Variants in ERBIN observed in about 807,000 individuals in gnomAD.
ERBIN encodes the protein erbb2 interacting protein, also known as densin-180-like protein.
A neutral mutation model predicts 158.4 loss-of-function variants in ERBIN; 60 were observed. The observed-to-expected ratio is 0.38, with a 90% CI of 0.31 to 0.47. The LOEUF (loss-of-function observed/expected upper bound fraction) is 0.47. Among genes scored for constraint, ERBIN ranks in the 20% least tolerant of loss-of-function variants. The pLI is 0.99. For synonymous variants in ERBIN, 594 were observed against 557.2 expected, an observed-to-expected ratio of 1.07 and a Z score of -0.93; for missense variants, 1,610 against 1,648.0, an observed-to-expected ratio of 0.98 and a Z score of 0.40.
At chr5:65,944,193 C>A (rs904622837) in intron 1 of ERBIN, among the ~76,000 whole-genome samples, 1 of 137,840 alleles carries the variant, frequency 7.3e-6, no homozygotes, top group Non-Finnish European at 1.5e-5. Flanking sequence ...TATGGTAATT[C>A]TGTGTTTAGT....
chr5:66,018,114 T>G (rs1754991307), intron 7 of ERBIN, among the ~76,000 whole-genome samples: 1 of 151,954 alleles, frequency 6.6e-6, no homozygotes, highest in South Asian at 2.1e-4. Flanking sequence ...GTGTGATGCC[T>G]TCAACTTTGT....
In ERBIN at chr5:66,078,464, A is replaced by C. The variant is rs1377819854; in HGVS notation, c.4173A>C (p.Ala1391=). 8 of 1,596,342 alleles carry C rather than the reference A, an allele frequency of 5.0e-6. No individual in the cohort carries two copies. Among genetic ancestry groups the C allele is most frequent in the Non-Finnish European group, 6.0e-6 (7 of 1,175,090 alleles). Residue 1391 remains alanine (A), a synonymous_variant, in exon 26 of 26, where the codon GCA becomes GCC. Transcript: ENST00000284037. ...TTATAAATATTGAACATGGACAAGCAGTGTCCTTGCTAAAAACTTTCCAGA... is the reference window on the plus strand; with the variant it reads ...TTATAAATATTGAACATGGACAAGCCGTGTCCTTGCTAAAAACTTTCCAGA... ...YSFINIEHGQ[A]VSLLKTFQNT...
chr5:65,976,338 G>A (rs906268954), intron 1 of ERBIN, among the ~76,000 whole-genome samples: 69 of 151,990 alleles, frequency 4.5e-4, no homozygotes, highest in Admixed American at 2.0e-4. Context: ...ACTATATGTA[G>A]TGGCATACAC....
chr5:65,976,412 G>T (rs950122847), intron 1 of ERBIN, among the ~76,000 whole-genome samples: 2 of 152,122 alleles, frequency 1.3e-5, no homozygotes, highest in African/African-American at 4.8e-5. Context: ...GGCAGAGGTT[G>T]CAGTGAGCTG....
rs541245015 is a variant in ERBIN, at chr5:66,063,717, G to A, written c.3634-8452G>A. On this transcript the variant is annotated intron_variant, in intron 21 of 25. Coordinates refer to ENST00000284037, the MANE Select transcript of ERBIN (RefSeq NM_001253697.2). ...CTCGATTAAGACATTTTTAAAAAGTGAAGATAGTCTCTGTATGTTTAGCTT... is the reference window on the plus strand; with the variant it reads ...CTCGATTAAGACATTTTTAAAAAGTAAAGATAGTCTCTGTATGTTTAGCTT... 2.6e-5 allele frequency among the ~76,000 whole-genome samples: 4 copies of A among 152,246 alleles called. No homozygotes were observed. In the East Asian group the frequency reaches 7.7e-4, roughly 29 times the overall value.
intron 5 of ERBIN, among the ~76,000 whole-genome samples, chr5:66,012,382 A>T (rs956379022): frequency 1.3e-5 from 2 of 152,206 alleles, no homozygotes; most frequent in Non-Finnish European, 2.9e-5. Context: ...CAGAAATGAG[A>T]GTAGAATCCA....
chr5:65,956,679 G>A (rs777869434), intron 1 of ERBIN, among the ~76,000 whole-genome samples: 1 of 149,588 alleles, frequency 6.7e-6, no homozygotes, highest in African/African-American at 2.5e-5. Flanking sequence ...TGCTCCTGGC[G>A]GGAAAAAATT....
intron 1 of ERBIN, among the ~76,000 whole-genome samples, chr5:65,978,986 G>A (rs181507160): frequency 6.6e-6 from 1 of 152,324 alleles, no homozygotes; most frequent in Non-Finnish European, 1.5e-5. Flanking sequence ...TCGGTGATGG[G>A]GAGGTTGGGA....
intron 1 of ERBIN, among the ~76,000 whole-genome samples, chr5:65,941,925 A>T (rs1745102046): frequency 6.6e-6 from 1 of 152,140 alleles, no homozygotes; most frequent in Admixed American, 6.6e-5. Context: ...TATTTTTAGT[A>T]GAGATGGGGT....
intron 12 of ERBIN, 93 bp from the exon 13 acceptor site, chr5:66,026,209 G>T: frequency 1.2e-6 from 1 of 810,468 alleles, no homozygotes; most frequent in East Asian, 2.9e-5. Flanking sequence ...TAAATGTGAA[G>T]TATTTTTCAT....
At chr5:65,943,538 T>C (rs1745333183) in intron 1 of ERBIN, among the ~76,000 whole-genome samples, 1 of 152,232 alleles carries the variant, frequency 6.6e-6, no homozygotes, top group African/African-American at 2.4e-5. Flanking sequence ...ATCATTACTT[T>C]TTTTAAGTCA....
intron 1 of ERBIN, among the ~76,000 whole-genome samples, chr5:65,937,860 G>C (rs994561454): frequency 2.6e-5 from 4 of 152,170 alleles, no homozygotes; most frequent in Non-Finnish European, 4.4e-5. Flanking sequence ...AGTGAGCCGA[G>C]ATCGTGCCAC....
intron 6 of ERBIN, 117 bp from the exon 7 acceptor site, chr5:66,014,548 ATTAC>A (rs1160972850): frequency 2.2e-5 from 11 of 508,882 alleles, no homozygotes; most frequent in East Asian, 3.6e-5. Flanking sequence ...TTTTTAATAT[ATTAC>A]TTTGCAATTA....
At chr5:66,012,684 C>G (rs1003267776) in intron 5 of ERBIN, among the ~76,000 whole-genome samples, 2 of 152,120 alleles carry the variant, frequency 1.3e-5, no homozygotes, top group African/African-American at 2.4e-5. Context: ...AATGGTGAAG[C>G]AAAAGATGAC....
chr5:66,050,808 A>G lies in ERBIN; in HGVS notation c.1929A>G (p.Leu643=), dbSNP rs1422151633. The G allele has an allele frequency of 1.3e-6, 2 of 1,563,684 alleles. No homozygotes were observed. The highest frequency in any genetic ancestry group is 2.3e-5 in the East Asian group (1 of 43,458). The change falls in exon 20 of 26, where the codon TTA becomes TTG. Residue 643 remains leucine, a synonymous_variant. Transcript: ENST00000284037. ...ATGATACAAAGGAAACAGATTCTTT[A>G]TCAGATGAAGTTACACACAATAGCA... ...KKDDTKETDS[L]SDEVTHNSNQ... is the part of the protein sequence containing the mutation.
rs991390132 is a variant in ERBIN, at chr5:66,048,571, A to G, written c.1789-96A>G. On this transcript the variant is annotated intron_variant, in intron 18 of 25. Coordinates refer to ENST00000284037, the MANE Select transcript of ERBIN (RefSeq NM_001253697.2). The stretch of plus-strand genomic sequence containing the variant: ...TTGAAAAGGTTTAATATGTGTTTAT[A>G]ATATTTGTTTTCCCTTTAAAGTCTT... 4.2e-6 allele frequency: 3 copies of G among 707,666 alleles called. No homozygotes were observed. The African/African-American group carries it at 5.5e-5, about 13-fold the overall frequency. 43.8% of individuals were successfully genotyped at this position (707,666 alleles called of 1,614,324 possible).
intron 10 of ERBIN, 51 bp from the exon 11 acceptor site, chr5:66,025,429 C>T: frequency 7.3e-7 from 1 of 1,368,364 alleles, no homozygotes; most frequent in Non-Finnish European, 1.0e-6. Flanking sequence ...TGTTGGTGGA[C>T]TTGCTTCTAT....
intron 17 of ERBIN, among the ~76,000 whole-genome samples, chr5:66,045,567 TAATA>T (rs1195001105): frequency 1.3e-5 from 2 of 152,136 alleles, no homozygotes; most frequent in East Asian, 3.9e-4. Flanking sequence ...AAAAATCACC[TAATA>T]AATTTCTCTG....
At chr5:66,058,967 C>T (rs1479544186) in intron 21 of ERBIN, among the ~76,000 whole-genome samples, 8 of 152,098 alleles carry the variant, frequency 5.3e-5, no homozygotes, top group East Asian at 1.9e-4. Context: ...AGTCAGGTAG[C>T]GTGATGCCTC....
Sources: gnomAD v4.1 joint callset for allele counts (sites outside exome capture counted in the v4.1 genomes callset) on GRCh38, gnomAD v4.1.1 for gene constraint, MANE v1.5 for transcripts, NCBI Gene and HGNC (gene_info 2026-07-23, HGNC 2026-07-21) for gene names.